Variants in MAP4K5 observed in about 807,000 individuals in gnomAD.
MAP4K5 encodes mitogen-activated protein kinase kinase kinase kinase 5.
In MAP4K5, 82 loss-of-function variants were observed where a neutral mutation model predicts 135.6. The ratio of observed to expected loss-of-function variants is 0.60; its 90% CI spans 0.51 to 0.73. The LOEUF is 0.73. Among genes scored for constraint, MAP4K5 ranks in the 30% least tolerant of loss-of-function variants. MAP4K5 has a pLI of 0.00. For missense variants in MAP4K5, 907 were observed against 1,010.9 expected, an observed-to-expected ratio of 0.90 and a Z score of 1.39; for synonymous variants, 347 against 335.0, an observed-to-expected ratio of 1.04 and a Z score of -0.39.
intron 2 of MAP4K5, among the ~76,000 whole-genome samples, chr14:50,511,819 A>G (rs963637001): frequency 6.6e-6 from 1 of 152,138 alleles, no homozygotes; most frequent in African/African-American, 2.4e-5. Context: ...TATGATTCCA[A>G]CTCTATGACA....
chr14:50,452,412 G>A (rs79343575), intron 14 of MAP4K5, among the ~76,000 whole-genome samples: 2,007 of 152,208 alleles, frequency 0.013, 15 homozygotes, highest in Middle Eastern at 0.041. Context: ...GACAAGTGAC[G>A]GCAGTTCCCC....
chr14:50,539,396 G>A (rs1196814607), intron 2 of MAP4K5, among the ~76,000 whole-genome samples: 1 of 152,226 alleles, frequency 6.6e-6, no homozygotes, highest in Non-Finnish European at 1.5e-5. Context: ...CAAATACCAG[G>A]CATGAATAGA....
At position 50,429,293 on chromosome 14, in the gene MAP4K5, C is replaced by T. The variant is rs772353959; in HGVS notation, c.2165-33G>A. On this transcript the variant is annotated intron_variant, in intron 28 of 32. Coordinates refer to ENST00000682126, the MANE Select transcript of MAP4K5 (RefSeq NM_006575.6). ...AGTAAAAAACAAGGTTACAATTATA[C>T]TTTTAAAACCTAGAGCCTAGAAAAT... The T allele has an allele frequency of 7.7e-5, 99 of 1,283,530 alleles. 1 individual carries two copies. Among genetic ancestry groups the T allele is most frequent in the Non-Finnish European group, 1.0e-4 (92 of 912,318 alleles). 79.5% of individuals were successfully genotyped at this position (1,283,530 alleles called of 1,614,324 possible). A position where few individuals can be genotyped will look rare whatever the true frequency, so the allele number is the denominator to read the frequency against.
intron 31 of MAP4K5, 86 bp from the exon 32 acceptor site, chr14:50,423,262 AC>A (rs1397797890): frequency 1.7e-5 from 10 of 593,846 alleles, no homozygotes; most frequent in Non-Finnish European, 3.0e-5. Flanking sequence ...GCAATTATTA[AC>A]ACAATAAATA....
chr14:50,456,352 AG>A lies in MAP4K5; in HGVS notation c.1015+163del, dbSNP rs1030665683. 16 of 595,324 alleles carry A rather than the reference AG, an allele frequency of 2.7e-5. No homozygotes were observed. The African/African-American group carries it at 3.1e-4, about 11-fold the overall frequency. 36.9% of individuals were successfully genotyped at this position (595,324 alleles called of 1,614,324 possible). A position where few individuals can be genotyped will look rare whatever the true frequency, so the allele number is the denominator to read the frequency against. On this transcript the variant is annotated intron_variant, in intron 14 of 32. Coordinates refer to ENST00000682126, the MANE Select transcript of MAP4K5 (RefSeq NM_006575.6). ...AAAATTATTCAGAAATTACAAACCA[AG>A]GGAATTCCATCGAAACCAGAAAAGC...
Position 50,420,079 on chromosome 14 carries a change from T to C in MAP4K5, c.2481A>G (p.Thr827=), listed in dbSNP as rs781626057. The C allele has an allele frequency of 1.2e-6, 2 of 1,610,560 alleles. No homozygotes were observed. The change falls in exon 33 of 33, where the codon ACA becomes ACG. Residue 827 remains threonine, a synonymous_variant. Transcript: ENST00000682126. The part of the protein sequence containing the change: ...DRVVVLESRP[T]ENPTAHSNLY... Reference sequence around the variant, plus strand: ...GATTGCTGTGTGCAGTAGGATTTTCTGTTGGCCTACTTTCCAAAACGACAA... The same window carrying C: ...GATTGCTGTGTGCAGTAGGATTTTCCGTTGGCCTACTTTCCAAAACGACAA...
chr14:50,533,706 CT>C (rs1308551404), upstream of MAP4K5, among the ~76,000 whole-genome samples: 5 of 152,128 alleles, frequency 3.3e-5, no homozygotes, highest in African/African-American at 1.2e-4. Context: ...GAGATGTTGG[CT>C]TGTGGCTTTG....
At chr14:50,556,566 T>C (rs2140167818) in intron 1 of MAP4K5, among the ~76,000 whole-genome samples, 1 of 152,318 alleles carries the variant, frequency 6.6e-6, no homozygotes, top group African/African-American at 2.4e-5. Context: ...GTTGATTTCA[T>C]GATGAATTCT....
chr14:50,434,188 C>T (rs990572150), intron 28 of MAP4K5, among the ~76,000 whole-genome samples: 7 of 152,136 alleles, frequency 4.6e-5, no homozygotes, highest in African/African-American at 1.7e-4. Flanking sequence ...TTAAAAATTT[C>T]CTTTGTTTAA....
chr14:50,443,845 T>C, intron 19 of MAP4K5, 75 bp from the exon 20 acceptor site: 1 of 1,491,556 alleles, frequency 6.7e-7, no homozygotes, highest in Non-Finnish European at 9.2e-7. Context: ...TTAGAACTTC[T>C]GTTACTTGAA....
chr14:50,441,781 CACACACACACACACACAT>C lies in MAP4K5; in HGVS notation c.1564+933_1564+950del, dbSNP rs151073947. Among the ~76,000 whole-genome samples the C allele has an allele frequency of 5.2e-4, 70 of 135,558 alleles. 1 individual carries two copies. Among genetic ancestry groups the C allele is most frequent in the Admixed American group, 1.2e-3 (17 of 14,286 alleles). The allele number at this position is 135,558 out of a possible 152,430, so 88.9% of individuals were successfully genotyped here. On this transcript the variant is annotated intron_variant, in intron 21 of 32. Coordinates refer to ENST00000682126, the MANE Select transcript of MAP4K5 (RefSeq NM_006575.6). ...ACACACACACACACACACACACACA[CACACACACACACACACAT>C]ATATATACCCCCTCTGTCATACTTT... is the stretch of plus-strand genomic sequence containing the variant.
chr14:50,542,016 A>G (rs2038569292), intron 2 of MAP4K5, among the ~76,000 whole-genome samples: 1 of 69,334 alleles, frequency 1.4e-5, no homozygotes, highest in Admixed American at 1.3e-4. Context: ...CAAAAAAAAA[A>G]AAAAAAAAAA....
At chr14:50,457,328 G>A (rs1304885933) in intron 13 of MAP4K5, among the ~76,000 whole-genome samples, 1 of 152,160 alleles carries the variant, frequency 6.6e-6, no homozygotes, top group Non-Finnish European at 1.5e-5. Context: ...TATTAAATAT[G>A]TATGAGACTA....
chr14:50,542,591 G>T (rs995691575), intron 1 of MAP4K5: 3 of 152,354 alleles, frequency 2.0e-5, no homozygotes, highest in Admixed American at 6.5e-5. Flanking sequence ...TGATCTGGAA[G>T]ACACAAGTAA....
Position 50,476,240 on chromosome 14 carries a change from A to G in MAP4K5, c.426+19T>C. 1 of 1,486,210 alleles carries G rather than the reference A, an allele frequency of 6.7e-7. No homozygotes were observed. The highest frequency in any genetic ancestry group is 1.4e-5 in the African/African-American group (1 of 71,268). The allele number at this position is 1,486,210 out of a possible 1,614,324, so 92.1% of individuals were successfully genotyped here. On this transcript the variant is annotated intron_variant, in intron 7 of 32. Transcript: ENST00000682126. ...TCTTCCAATAGAATTGGCAATTTAA[A>G]TGTATTAAATGAACTTACTTTGATA... is the stretch of plus-strand genomic sequence containing the variant.
chr14:50,447,206 T>C (rs2036374072), intron 16 of MAP4K5, among the ~76,000 whole-genome samples: 1 of 152,212 alleles, frequency 6.6e-6, no homozygotes, highest in South Asian at 2.1e-4. Context: ...TATCATTACA[T>C]AGCATATTCT....
At chr14:50,444,745 T>C (rs150668300) in intron 18 of MAP4K5, among the ~76,000 whole-genome samples, 146 of 152,302 alleles carry the variant, frequency 9.6e-4, no homozygotes, top group Non-Finnish European at 1.4e-3. Context: ...CCTTCTGCTG[T>C]AGACCCTGAA....
chr14:50,502,682 G>A (rs76906224), intron 3 of MAP4K5, among the ~76,000 whole-genome samples: 6,249 of 151,998 alleles, frequency 0.041, 138 homozygotes, highest in East Asian at 0.07. Context: ...ATTATAATAC[G>A]CAACAAAAGT....
At chr14:50,505,920 G>A (rs972045939) in intron 2 of MAP4K5, among the ~76,000 whole-genome samples, 1 of 144,564 alleles carries the variant, frequency 6.9e-6, no homozygotes, top group Non-Finnish European at 1.6e-5. Flanking sequence ...CTAGGTCAAA[G>A]GTTGTGAATA....
Sources: allele counts gnomAD v4.1 joint callset (sites outside exome capture counted in the v4.1 genomes callset), GRCh38; gene constraint gnomAD v4.1.1; transcripts MANE v1.5; gene names NCBI Gene and HGNC (gene_info 2026-07-23, HGNC 2026-07-21).